Variants in CTNNA3 observed in about 807,000 individuals in gnomAD.
CTNNA3 encodes the protein catenin alpha 3, also known as catenin alpha-3.
In CTNNA3, 76 loss-of-function variants were observed where a neutral mutation model predicts 95.7. The ratio of observed to expected loss-of-function variants is 0.79; its 90% CI spans 0.66 to 0.96. CTNNA3 has a LOEUF of 0.96. Ranked by LOEUF, CTNNA3 falls within the 40% of genes least tolerant of loss-of-function variation. CTNNA3 has a pLI of 0.00. For missense variants in CTNNA3, 1,191 were observed against 1,089.8 expected, an observed-to-expected ratio of 1.09 and a Z score of -1.31; for synonymous variants, 431 against 374.4, an observed-to-expected ratio of 1.15 and a Z score of -1.74.
intron 7 of CTNNA3, among the ~76,000 whole-genome samples, chr10:66,899,070 C>A (rs1256281482): frequency 6.6e-6 from 1 of 152,176 alleles, no homozygotes; most frequent in Admixed American, 6.5e-5. Flanking sequence ...ATAGACATTT[C>A]TTCAAAGAAC....
At chr10:66,222,752 GGAAAA>G (rs764784055) in intron 13 of CTNNA3, among the ~76,000 whole-genome samples, 21 of 150,174 alleles carry the variant, frequency 1.4e-4, no homozygotes, top group African/African-American at 2.2e-4. Context: ...TGAAAGAAAA[GGAAAA>G]GAAAAGAAAA....
At chr10:66,545,260 C>A (rs1171228545) in intron 10 of CTNNA3, among the ~76,000 whole-genome samples, 1 of 151,908 alleles carries the variant, frequency 6.6e-6, no homozygotes, top group Non-Finnish European at 1.5e-5. Context: ...TTTAATGTTA[C>A]CGCATAAACG....
intron 3 of CTNNA3, among the ~76,000 whole-genome samples, chr10:67,550,008 T>C (rs1018659398): frequency 1.3e-5 from 2 of 152,296 alleles, no homozygotes; most frequent in African/African-American, 2.4e-5. Flanking sequence ...AAGCACTTCA[T>C]TTTTAAAAAG....
chr10:66,391,977 T>C (rs2092936937), intron 11 of CTNNA3, among the ~76,000 whole-genome samples: 1 of 152,038 alleles, frequency 6.6e-6, no homozygotes, highest in Admixed American at 6.6e-5. Context: ...ACTACAAAGC[T>C]TCTGTAAGAT....
At chr10:66,944,898 A>G (rs1012582347) in intron 7 of CTNNA3, among the ~76,000 whole-genome samples, 1 of 152,156 alleles carries the variant, frequency 6.6e-6, no homozygotes, top group African/African-American at 2.4e-5. Context: ...ATCTTTTTTT[A>G]GCACTAGGAC....
At chr10:66,845,731 T>TAAAAAAAAAAAAAAAAAAA (rs1304034179) in intron 7 of CTNNA3, among the ~76,000 whole-genome samples, 4 of 35,904 alleles carry the variant, frequency 1.1e-4, no homozygotes, top group African/African-American at 1.6e-4. Context: ...AAAAAAAAAC[T>TAAAAAAAAAAAAAAAAAAA]AAAAAGGTGA....
At chr10:66,565,369 A>G (rs1842674363) in intron 10 of CTNNA3, among the ~76,000 whole-genome samples, 4 of 152,198 alleles carry the variant, frequency 2.6e-5, no homozygotes, top group Admixed American at 2.0e-4. Context: ...GTCAAGTAAT[A>G]GCTAATTTAT....
chr10:66,444,436 T>C (rs1295751314), intron 11 of CTNNA3, among the ~76,000 whole-genome samples: 1 of 152,112 alleles, frequency 6.6e-6, no homozygotes, highest in African/African-American at 2.4e-5. Flanking sequence ...AAGGTTGGGT[T>C]ACCCACAAAG....
At chr10:66,030,572 A>G (rs757834998) in intron 15 of CTNNA3, among the ~76,000 whole-genome samples, 1 of 152,148 alleles carries the variant, frequency 6.6e-6, no homozygotes, top group African/African-American at 2.4e-5. Flanking sequence ...ATGGATTAAC[A>G]ACTTAAATGT....
At chr10:67,287,471 T>C (rs1176535064) in intron 5 of CTNNA3, among the ~76,000 whole-genome samples, 1 of 152,202 alleles carries the variant, frequency 6.6e-6, no homozygotes, top group African/African-American at 2.4e-5. Flanking sequence ...TAGTATGATG[T>C]ATTATAAAGA....
chr10:67,483,698 T>G (rs1324798850), intron 5 of CTNNA3, among the ~76,000 whole-genome samples: 1 of 150,646 alleles, frequency 6.6e-6, no homozygotes, highest in Admixed American at 6.6e-5. Flanking sequence ...GCATGGCACA[T>G]GTATACATAT....
intron 13 of CTNNA3, among the ~76,000 whole-genome samples, chr10:66,225,623 T>C (rs958173485): frequency 1.3e-5 from 2 of 151,532 alleles, no homozygotes; most frequent in Non-Finnish European, 2.9e-5. Flanking sequence ...TCATATGGTA[T>C]TCAAATTTTT....
At chr10:66,729,123 AC>A (rs1249140119) in intron 9 of CTNNA3, among the ~76,000 whole-genome samples, 1 of 152,172 alleles carries the variant, frequency 6.6e-6, no homozygotes, top group Non-Finnish European at 1.5e-5. Context: ...CTGTTCTTGT[AC>A]CAGTGCTATA....
intron 3 of CTNNA3, among the ~76,000 whole-genome samples, chr10:67,596,317 C>T (rs1421938654): frequency 6.6e-6 from 1 of 152,076 alleles, no homozygotes; most frequent in Non-Finnish European, 1.5e-5. Flanking sequence ...CCTGAGGTTG[C>T]AATTTTTTTA....
chr10:66,824,754 T>A (rs1842434215), intron 7 of CTNNA3, among the ~76,000 whole-genome samples: 1 of 152,026 alleles, frequency 6.6e-6, no homozygotes, highest in Non-Finnish European at 1.5e-5. Flanking sequence ...ATCAAGGTCA[T>A]CAAAAACAAG....
At chr10:66,523,686 T>C (rs756998780) in intron 10 of CTNNA3, among the ~76,000 whole-genome samples, 1 of 152,206 alleles carries the variant, frequency 6.6e-6, no homozygotes. Context: ...TTATCTAGTC[T>C]GTCAGTTTAC....
chr10:66,771,647 T>A (rs1840090759), intron 8 of CTNNA3, among the ~76,000 whole-genome samples: 1 of 152,090 alleles, frequency 6.6e-6, no homozygotes, highest in African/African-American at 2.4e-5. Flanking sequence ...CGTAGCTGGG[T>A]GATGTTTGCT....
intron 7 of CTNNA3, among the ~76,000 whole-genome samples, chr10:66,858,142 T>C (rs921487864): frequency 2.6e-5 from 4 of 152,150 alleles, no homozygotes; most frequent in African/African-American, 7.2e-5. Context: ...AAGCCTTTTC[T>C]GCATCTACTG....
chr10:66,121,763 C>T (rs544208937), intron 13 of CTNNA3, among the ~76,000 whole-genome samples: 5 of 152,152 alleles, frequency 3.3e-5, no homozygotes, highest in Admixed American at 2.0e-4. Context: ...ATCGCTTGAG[C>T]CCTGGAAAAA....
Sources: gnomAD v4.1 joint callset for allele counts (sites outside exome capture counted in the v4.1 genomes callset) on GRCh38, gnomAD v4.1.1 for gene constraint, MANE v1.5 for transcripts, NCBI Gene and HGNC (gene_info 2026-07-23, HGNC 2026-07-21) for gene names.